The following ADGRG1 variants were observed in gnomAD, a reference collection of about 807,000 sequenced individuals.
ADGRG1 encodes adhesion G protein-coupled receptor G1, also known as 7-transmembrane protein with no EGF-like N-terminal domains-1.
Under a neutral mutation model 73.5 loss-of-function variants are expected in ADGRG1, and 53 were observed. The ratio of observed to expected loss-of-function variants is 0.72; its 90% CI spans 0.58 to 0.91. The LOEUF is 0.91. ADGRG1 is among the 40% of genes least tolerant of loss of function. The probability of loss-of-function intolerance (pLI) is 0.00; values close to 1 mark genes in which losing one functional copy is unlikely to be tolerated. For synonymous variants in ADGRG1, 394 were observed against 374.4 expected (o/e 1.05, Z -0.60); for missense variants, 795 against 871.8 (o/e 0.91, Z 1.11).
intron 1 of ADGRG1, chr16:57,629,473 C>T (rs1397505860): frequency 2.0e-5 from 3 of 152,282 alleles, no homozygotes; most frequent in African/African-American, 7.3e-5. Context: ...CTAGCACATC[C>T]AGGTATAGAA....
At chr16:57,633,089 G>T (rs1193294665) in intron 1 of ADGRG1, among the ~76,000 whole-genome samples, 1 of 152,228 alleles carries the variant, frequency 6.6e-6, no homozygotes, top group Non-Finnish European at 1.5e-5. Context: ...TTTGAGAGGA[G>T]CTGTGGAGAC....
In ADGRG1 at chr16:57,648,867, T is replaced by C. The variant is rs78852999; in HGVS notation, c.-35-1386T>C. The C allele has an allele frequency of 0.013, 3,001 of 235,120 alleles. 201 individuals are homozygous for C. In the East Asian group the frequency reaches 0.22, roughly 17 times the overall value. 14.6% of individuals were successfully genotyped at this position (235,120 alleles called of 1,614,324 possible). Reference sequence around the variant, plus strand: ...GCCACAGGTTCCCTGCCAGGCACTATAGTCCTGACCAGGCAGGGAAAGCCC... The same window carrying C: ...GCCACAGGTTCCCTGCCAGGCACTACAGTCCTGACCAGGCAGGGAAAGCCC... On this transcript the variant is annotated intron_variant, in intron 1 of 13. Transcript: ENST00000562631.
At chr16:57,641,320 C>T (rs546184022) in intron 1 of ADGRG1, 6 of 985,254 alleles carry the variant, frequency 6.1e-6, no homozygotes, top group Middle Eastern at 5.2e-4. Flanking sequence ...GGTGTGTGCC[C>T]TGGCGCCCAG....
upstream of ADGRG1, chr16:57,626,914 G>T: frequency 2.0e-5 from 20 of 985,422 alleles, no homozygotes; most frequent in Non-Finnish European, 2.3e-5. Flanking sequence ...TGGGCCCCCA[G>T]TGTAGGCTGG....
intron 1 of ADGRG1, chr16:57,635,656 C>G: frequency 1.0e-6 from 1 of 984,530 alleles, no homozygotes; most frequent in Non-Finnish European, 1.2e-6. Context: ...TTCCCTGGGC[C>G]GTGAGGCTTT....
chr16:57,644,471 C>T (rs1254273639), intron 1 of ADGRG1, among the ~76,000 whole-genome samples: 1 of 149,564 alleles, frequency 6.7e-6, no homozygotes, highest in Non-Finnish European at 1.5e-5. Context: ...CATGCACGGG[C>T]ACACACACCC....
intron 13 of ADGRG1, chr16:57,662,944 G>T: frequency 1.0e-6 from 1 of 985,372 alleles, no homozygotes; most frequent in Non-Finnish European, 1.2e-6. Flanking sequence ...GTGGTGGGGA[G>T]ATGTTACCAC....
At chr16:57,625,361 G>C (rs1407291814), upstream of ADGRG1, among the ~76,000 whole-genome samples, 1 of 152,032 alleles carries the variant, frequency 6.6e-6, no homozygotes, top group African/African-American at 2.4e-5. Context: ...ACCCCATCCT[G>C]TGCCCCGATT....
chr16:57,639,296 C>G (rs373386282), intron 1 of ADGRG1: 1 of 985,546 alleles, frequency 1.0e-6, no homozygotes, highest in African/African-American at 1.7e-5. Flanking sequence ...GAGTTGAGGA[C>G]TTGGGAACAG....
chr16:57,621,253 GCTGCT>G (rs1321509513), intron 1 of ADGRG1: 1 of 152,114 alleles, frequency 6.6e-6, no homozygotes, highest in Non-Finnish European at 1.5e-5. Context: ...GGGGCTCCTG[GCTGCT>G]GGGCACAGGC....
chr16:57,625,685 T>C (rs1367310224), upstream of ADGRG1: 2 of 984,056 alleles, frequency 2.0e-6, no homozygotes, highest in African/African-American at 3.5e-5. Context: ...TCAGGCTATC[T>C]GTAGGTCTGA....
chr16:57,634,531 T>C (rs1256246695), intron 1 of ADGRG1: 27 of 934,114 alleles, frequency 2.9e-5, no homozygotes, highest in Non-Finnish European at 2.9e-5. Flanking sequence ...CTTGAAACTT[T>C]ATCCACATTT....
chr16:57,624,745 T>A, upstream of ADGRG1: 1 of 981,426 alleles, frequency 1.0e-6, no homozygotes, highest in Non-Finnish European at 1.2e-6. Flanking sequence ...CCCTTATCCC[T>A]GTCCTGAGGC....
At chr16:57,630,974 G>A (rs2037705871) in intron 1 of ADGRG1, 1 of 985,910 alleles carries the variant, frequency 1.0e-6, no homozygotes, top group Non-Finnish European at 1.2e-6. Context: ...GCTCTGTGGG[G>A]GGGAAGAGAG....
At chr16:57,640,911 C>A (rs760161051) in intron 1 of ADGRG1, 14 of 985,358 alleles carry the variant, frequency 1.4e-5, no homozygotes, top group Middle Eastern at 5.2e-4. Flanking sequence ...GCTGACCTTG[C>A]GGGCCTGGCC....
intron 9 of ADGRG1, among the ~76,000 whole-genome samples, 175 bp downstream of exon 9, chr16:57,656,792 C>T (rs1209913508): frequency 1.3e-5 from 2 of 152,214 alleles, no homozygotes; most frequent in African/African-American, 4.8e-5. Context: ...AAGCAATTTA[C>T]CCGTGGCCAC....
intron 1 of ADGRG1, chr16:57,631,912 G>C (rs1272350131): frequency 1.2e-5 from 12 of 968,284 alleles, no homozygotes; most frequent in Non-Finnish European, 1.5e-5. Context: ...CCAAGGGTTG[G>C]GGAGTAGGAA....
At chr16:57,620,612 CAGCCTCCCTTAGCG>C (rs2146929080), upstream of ADGRG1, among the ~76,000 whole-genome samples, 1 of 152,326 alleles carries the variant, frequency 6.6e-6, no homozygotes, top group South Asian at 2.1e-4. Context: ...GAGGAGAAGG[CAGCCTCCCTTAGCG>C]AGCCAAATGG....
chr16:57,623,177 C>T, upstream of ADGRG1: 1 of 981,586 alleles, frequency 1.0e-6, no homozygotes, highest in Non-Finnish European at 1.2e-6. Context: ...ATGCAAGTCA[C>T]CTGCCTAGCA....
Sources: gnomAD v4.1 joint callset for allele counts (sites outside exome capture counted in the v4.1 genomes callset) on GRCh38, gnomAD v4.1.1 for gene constraint, MANE v1.5 for transcripts, NCBI Gene and HGNC (gene_info 2026-07-23, HGNC 2026-07-21) for gene names.